PTPRE: variants seen among roughly 807,000 people sequenced by gnomAD.
PTPRE encodes the protein receptor-type tyrosine-protein phosphatase epsilon.
PTPRE carries 51 observed loss-of-function variants against 102.0 expected under a neutral mutation model. The observed-to-expected ratio is 0.50, with a 90% CI of 0.40 to 0.63. The LOEUF (loss-of-function observed/expected upper bound fraction) is 0.63, where lower values mean the gene tolerates loss of function less well. Ranked by LOEUF, PTPRE falls within the 30% of genes least tolerant of loss-of-function variation. PTPRE has a pLI of 0.00. For synonymous variants in PTPRE, 345 were observed against 348.2 expected (o/e 0.99, Z 0.10); for missense variants, 752 against 915.1 (o/e 0.82, Z 2.30).
intron 18 of PTPRE, 106 bp downstream of exon 18, chr10:128,076,834 C>T (rs1005440985): frequency 6.8e-7 from 1 of 1,473,510 alleles, no homozygotes; most frequent in Admixed American, 2.1e-5. Context: ...ACCTGTCCTG[C>T]TCCTTCACCT....
intron 1 of PTPRE, among the ~76,000 whole-genome samples, chr10:127,937,064 A>C (rs919919986): frequency 1.3e-5 from 2 of 152,134 alleles, no homozygotes; most frequent in Non-Finnish European, 1.5e-5. Flanking sequence ...TTCCCTGCAG[A>C]TCTAACTCTG....
At position 128,002,507 on chromosome 10, in the gene PTPRE, A is replaced by G. The variant is rs528927759; in HGVS notation, c.-8+20211A>G. ...AAGATGCAGCAGTGCGTAGGTAGGC[A>G]GGAAAAGTCAGTGATACCAGAAGGA... On this transcript the variant is annotated intron_variant, in intron 2 of 20. Coordinates refer to ENST00000254667, the MANE Select transcript of PTPRE (RefSeq NM_006504.6). Among the ~76,000 whole-genome samples, 3 of 152,138 alleles carry G rather than the reference A, an allele frequency of 2.0e-5. No individual in the cohort carries two copies. The South Asian group carries it at 6.2e-4, about 32-fold the overall frequency.
chr10:128,067,263 T>C (rs57811399), intron 11 of PTPRE, among the ~76,000 whole-genome samples: 23 of 102,756 alleles, frequency 2.2e-4, no homozygotes, highest in Admixed American at 6.9e-4. Flanking sequence ...TGCACATGCA[T>C]ACATGTGCAC....
intron 2 of PTPRE, among the ~76,000 whole-genome samples, chr10:128,023,281 A>G (rs549129593): frequency 5.6e-4 from 86 of 152,256 alleles, no homozygotes; most frequent in Middle Eastern, 3.4e-3. Context: ...AGGAAAAAGG[A>G]TAGTATATAT....
intron 1 of PTPRE, among the ~76,000 whole-genome samples, chr10:127,921,655 G>T (rs1260067473): frequency 6.6e-6 from 1 of 152,234 alleles, no homozygotes; most frequent in Admixed American, 6.5e-5. Flanking sequence ...GCAGGGCTGT[G>T]CCTCAGAGTC....
rs769180012 is a variant in PTPRE, at chr10:128,060,036, TCACACACATAC to T, written c.512-891_512-881del. Among the ~76,000 whole-genome samples the T allele has an allele frequency of 3.9e-5, 5 of 128,780 alleles. No homozygotes were observed. In the East Asian group the frequency reaches 6.9e-4, roughly 18 times the overall value. The allele number at this position is 128,780 out of a possible 152,430, so 84.5% of individuals were successfully genotyped here. On this transcript the variant is annotated intron_variant, in intron 7 of 20. Transcript: ENST00000254667. Reference sequence around the variant, plus strand: ...ACACCACACACTCCACACAAACATATCACACACATACCACACACATACACACCACACACATA... The same window carrying T: ...ACACCACACACTCCACACAAACATATCACACACATACACACCACACACATA...
At chr10:127,997,802 C>T (rs187733242) in intron 2 of PTPRE, among the ~76,000 whole-genome samples, 10 of 152,294 alleles carry the variant, frequency 6.6e-5, no homozygotes, top group East Asian at 3.9e-4. Context: ...GATAATAATA[C>T]GAATTCTGTC....
chr10:127,966,727 G>C (rs1368702723), intron 1 of PTPRE, among the ~76,000 whole-genome samples: 2 of 152,242 alleles, frequency 1.3e-5, no homozygotes, highest in South Asian at 4.2e-4. Flanking sequence ...AACTGCCCAG[G>C]CTGCTCTGAT....
At chr10:128,047,956 C>T (rs1848240956) in intron 5 of PTPRE, 119 bp downstream of exon 5, 1 of 967,486 alleles carries the variant, frequency 1.0e-6, no homozygotes, top group Admixed American at 2.9e-5. Flanking sequence ...TTGCCACTTT[C>T]ATCTCACTCT....
chr10:127,910,989 A>G (rs1318705057), intron 1 of PTPRE, among the ~76,000 whole-genome samples: 1 of 152,112 alleles, frequency 6.6e-6, no homozygotes, highest in Non-Finnish European at 1.5e-5. Context: ...GGCTGAGGTG[A>G]GAGAAACATC....
At chr10:128,067,515 C>A (rs375873634) in intron 11 of PTPRE, among the ~76,000 whole-genome samples, 25 of 151,740 alleles carry the variant, frequency 1.6e-4, no homozygotes, top group Admixed American at 2.0e-4. Flanking sequence ...CACATACATG[C>A]GCACACATGC....
chr10:128,081,453 A>G (rs1851704196), intron 20 of PTPRE, among the ~76,000 whole-genome samples: 1 of 152,216 alleles, frequency 6.6e-6, no homozygotes, highest in South Asian at 2.1e-4. Context: ...ACTGGCCCCA[A>G]TCACTTGTAC....
chr10:128,043,389 T>C (rs1847865130), intron 3 of PTPRE, among the ~76,000 whole-genome samples: 1 of 152,158 alleles, frequency 6.6e-6, no homozygotes, highest in Non-Finnish European at 1.5e-5. Flanking sequence ...CAGTTCACAA[T>C]AGGGCTCACG....
chr10:128,035,700 G>A (rs1281402484), intron 2 of PTPRE, among the ~76,000 whole-genome samples: 4 of 152,192 alleles, frequency 2.6e-5, no homozygotes, highest in Admixed American at 2.6e-4. Flanking sequence ...GGGCAGTGTG[G>A]GTCAGTCCAC....
At chr10:128,082,181 A>AT (rs1477473164) in intron 20 of PTPRE, among the ~76,000 whole-genome samples, 6 of 76,498 alleles carry the variant, frequency 7.8e-5, no homozygotes, top group African/African-American at 2.7e-4. Context: ...TAGTACTCTG[A>AT]TTTTTTTCTC....
At chr10:127,953,707 C>A (rs1454504302) in intron 1 of PTPRE, among the ~76,000 whole-genome samples, 1 of 152,204 alleles carries the variant, frequency 6.6e-6, no homozygotes, top group African/African-American at 2.4e-5. Flanking sequence ...CCAGGACCTG[C>A]TTTATAGGTG....
chr10:127,958,960 G>A lies in PTPRE; in HGVS notation c.-30-23314G>A, dbSNP rs1042861129. On this transcript the variant is annotated intron_variant, in intron 1 of 20. Transcript: ENST00000254667. The stretch of plus-strand genomic sequence containing the variant: ...TGCCCAGGCTGGAGTGCAATGGCAC[G>A]ATCTCAGCTCACTACAACCTCCTCC... Among the ~76,000 whole-genome samples, 5 of 144,150 alleles carry A rather than the reference G, an allele frequency of 3.5e-5. No individual in the cohort carries two copies. In the East Asian group the frequency reaches 1.0e-3, roughly 30 times the overall value. 94.6% of individuals were successfully genotyped at this position (144,150 alleles called of 152,430 possible). A position where few individuals can be genotyped will look rare whatever the true frequency, so the allele number is the denominator to read the frequency against.
At chr10:128,062,882 T>A in intron 9 of PTPRE, 1 of 855,612 alleles carries the variant, frequency 1.2e-6, no homozygotes, top group East Asian at 2.7e-5. Context: ...ACTGAGGAGT[T>A]CCTAGCTGGA....
chr10:128,041,455 T>C (rs748136799), intron 3 of PTPRE, among the ~76,000 whole-genome samples: 9 of 151,982 alleles, frequency 5.9e-5, no homozygotes, highest in Admixed American at 4.6e-4. Context: ...TGAGACCATC[T>C]TGGCCAACAC....
Sources: allele counts gnomAD v4.1 joint callset (sites outside exome capture counted in the v4.1 genomes callset), GRCh38; gene constraint gnomAD v4.1.1; transcripts MANE v1.5; gene names NCBI Gene and HGNC (gene_info 2026-07-23, HGNC 2026-07-21).